JAML: variants seen among roughly 807,000 people sequenced by gnomAD.
JAML encodes junctional adhesion molecule-like.
Under a neutral mutation model 39.3 loss-of-function variants are expected in JAML, and 25 were observed. That is an observed-to-expected ratio of 0.64 (90% CI 0.46 to 0.89). The LOEUF (loss-of-function observed/expected upper bound fraction) is 0.89, where lower values mean the gene tolerates loss of function less well. JAML is among the 40% of genes least tolerant of loss of function. JAML has a pLI of 0.00. For synonymous variants in JAML, 162 were observed against 179.2 expected (o/e 0.90, Z 0.77); for missense variants, 440 against 486.9 (o/e 0.90, Z 0.91).
intron 4 of JAML, 142 bp from the exon 5 acceptor site, chr11:118,206,133 G>T: frequency 1.5e-6 from 1 of 677,294 alleles, no homozygotes; most frequent in African/African-American, 1.8e-5. Context: ...TATTCCCTCT[G>T]TACGAATTCC....
intron 9 of JAML, 74 bp from the exon 10 acceptor site, chr11:118,194,491 A>G (rs1948614674): frequency 2.4e-6 from 3 of 1,250,502 alleles, no homozygotes; most frequent in Non-Finnish European, 2.3e-6. Context: ...GCTGCTGTTC[A>G]TTGAGCTCTT....
chr11:118,213,118 A>G (rs1396401794), intron 2 of JAML: 1 of 1,448,492 alleles, frequency 6.9e-7, no homozygotes, highest in African/African-American at 1.4e-5. Flanking sequence ...CACTGTGTTT[A>G]TCCTCTCCCT....
At chr11:118,216,881 T>C (rs1949149690) in intron 1 of JAML, among the ~76,000 whole-genome samples, 1 of 152,226 alleles carries the variant, frequency 6.6e-6, no homozygotes, top group African/African-American at 2.4e-5. Flanking sequence ...ACCCCATTCC[T>C]GCTCCGTGCC....
intron 4 of JAML, 98 bp from the exon 5 acceptor site, chr11:118,206,089 A>C: frequency 9.5e-7 from 1 of 1,052,998 alleles, no homozygotes; most frequent in Non-Finnish European, 1.5e-6. Flanking sequence ...GACCCTCAGC[A>C]GCAAAAATCG....
At chr11:118,208,996 T>G (rs1191596581) in intron 4 of JAML, 3 of 229,846 alleles carry the variant, frequency 1.3e-5, no homozygotes, top group African/African-American at 6.8e-5. Flanking sequence ...CGTCCAGAAC[T>G]ACTTTGGTGC....
chr11:118,216,093 C>T (rs894081236), intron 1 of JAML, among the ~76,000 whole-genome samples: 1 of 152,158 alleles, frequency 6.6e-6, no homozygotes, highest in African/African-American at 2.4e-5. Context: ...ATTACTTGGC[C>T]GGGCCTGGTG....
rs918339121 is a variant in JAML, at chr11:118,203,413, C to T, written c.772+15G>A. On this transcript the variant is annotated intron_variant, in intron 6 of 9. Transcript: ENST00000356289. ...CAGGAGGTCCCTCAATGCTCCCCAG[C>T]CAAATGTTAGATACTTCGAGGCTCT... The T allele has an allele frequency of 6.2e-7, 1 of 1,610,932 alleles. No individual in the cohort carries two copies.
intron 7 of JAML, among the ~76,000 whole-genome samples, chr11:118,198,674 T>TAAAAAAA (rs61119825): frequency 1.6e-4 from 20 of 127,642 alleles, no homozygotes; most frequent in African/African-American, 4.8e-4. Flanking sequence ...AAGTCAGAAC[T>TAAAAAAA]AAAAAAAAAA....
chr11:118,199,727 C>T (rs1948738075), intron 7 of JAML, among the ~76,000 whole-genome samples: 1 of 142,736 alleles, frequency 7.0e-6, no homozygotes, highest in South Asian at 2.2e-4. Flanking sequence ...GACAGAGTCT[C>T]GCTCTGTCAC....
chr11:118,219,981 G>C (rs1485128017), intron 1 of JAML, among the ~76,000 whole-genome samples: 1 of 152,238 alleles, frequency 6.6e-6, no homozygotes, highest in Non-Finnish European at 1.5e-5. Context: ...GCCACTTCCT[G>C]GTGTGGCCTG....
intron 4 of JAML, 86 bp from the exon 5 acceptor site, chr11:118,206,077 A>G (rs575289370): frequency 8.2e-7 from 1 of 1,219,460 alleles, no homozygotes; most frequent in East Asian, 2.3e-5. Flanking sequence ...TGTTTAGCCA[A>G]AGACCCTCAG....
chr11:118,204,664 A>G (rs1183564733), intron 5 of JAML: 4 of 152,214 alleles, frequency 2.6e-5, no homozygotes, highest in African/African-American at 9.6e-5. Context: ...AAGCACCCAC[A>G]TAACAAAAAC....
At chr11:118,216,945 G>C (rs1198099224) in intron 1 of JAML, among the ~76,000 whole-genome samples, 1 of 152,160 alleles carries the variant, frequency 6.6e-6, no homozygotes, top group East Asian at 1.9e-4. Flanking sequence ...CTTCCTTTAT[G>C]GTGTGTCCTA....
chr11:118,213,081 C>G, intron 2 of JAML: 2 of 1,524,322 alleles, frequency 1.3e-6, no homozygotes, highest in East Asian at 2.4e-5. Flanking sequence ...TAGGCCACCA[C>G]AGAGCACAGC....
intron 9 of JAML, among the ~76,000 whole-genome samples, chr11:118,195,327 A>T (rs1231704966): frequency 6.6e-6 from 1 of 152,094 alleles, no homozygotes; most frequent in East Asian, 1.9e-4. Context: ...CTGATCTCAC[A>T]CTTCCCTGGC....
At position 118,215,054 on chromosome 11, in the gene JAML, C is replaced by T. The variant is rs140743447; in HGVS notation, c.-20-168G>A. Among the ~76,000 whole-genome samples, 363 of 151,980 alleles carry T rather than the reference C, an allele frequency of 2.4e-3. 2 individuals are homozygous for T. The highest frequency in any genetic ancestry group is 8.4e-3 in the African/African-American group (346 of 41,432). ...CAGCTCATTTGCAGTTTGTATGCAGCGGGAGGTGGAGAAAAAAGAAGCAAA... is the reference window on the plus strand; with the variant it reads ...CAGCTCATTTGCAGTTTGTATGCAGTGGGAGGTGGAGAAAAAAGAAGCAAA... On this transcript the variant is annotated intron_variant, in intron 1 of 9. Transcript: ENST00000356289.
chr11:118,203,723 G>A (rs1156419709), intron 5 of JAML, 58 bp from the exon 6 acceptor site: 1 of 1,422,532 alleles, frequency 7.0e-7, no homozygotes, highest in African/African-American at 1.4e-5. Context: ...GCGGGGAGCA[G>A]AGAAAATGGG....
At chr11:118,196,873 C>T (rs2134640318) in intron 8 of JAML, 52 bp from the exon 9 acceptor site, 1 of 1,496,090 alleles carries the variant, frequency 6.7e-7, no homozygotes, top group Middle Eastern at 1.7e-4. Context: ...GAATCTTATA[C>T]ACCAGAGAAA....
chr11:118,200,360 A>AC, intron 7 of JAML, 114 bp downstream of exon 7: 11 of 1,270,518 alleles, frequency 8.7e-6, no homozygotes, highest in Non-Finnish European at 1.2e-5. Flanking sequence ...ATTTAAAAAT[A>AC]CCCCCTTCTG....
Sources: gnomAD v4.1 joint callset for allele counts (sites outside exome capture counted in the v4.1 genomes callset) on GRCh38, gnomAD v4.1.1 for gene constraint, MANE v1.5 for transcripts, NCBI Gene and HGNC (gene_info 2026-07-23, HGNC 2026-07-21) for gene names.